PDE10A: variants seen among roughly 807,000 people sequenced by gnomAD.
PDE10A encodes the protein cAMP and cAMP-inhibited cGMP 3',5'-cyclic phosphodiesterase 10A.
A neutral mutation model predicts 97.7 loss-of-function variants in PDE10A; 39 were observed. The ratio of observed to expected loss-of-function variants is 0.40; its 90% confidence interval spans 0.31 to 0.52. The LOEUF is 0.52. PDE10A is among the 20% of genes least tolerant of loss of function. The probability of loss-of-function intolerance (pLI) is 0.56; values close to 1 mark genes in which losing one functional copy is unlikely to be tolerated. For missense variants in PDE10A, 731 were observed against 1,047.8 expected (o/e 0.70, Z 4.17); for synonymous variants, 371 against 376.8 (o/e 0.98, Z 0.18).
chr6:165,581,275 A>G (rs1785603069), intron 1 of PDE10A, among the ~76,000 whole-genome samples: 1 of 152,168 alleles, frequency 6.6e-6, no homozygotes, highest in African/African-American at 2.4e-5. Context: ...TGTCCCCCCA[A>G]AATTCATATG....
At chr6:165,568,051 T>C (rs201181329) in intron 1 of PDE10A, among the ~76,000 whole-genome samples, 4 of 133,820 alleles carry the variant, frequency 3.0e-5, no homozygotes, top group Non-Finnish European at 4.6e-5. Context: ...CAGGCTGGAG[T>C]GCAGTGGCAC....
chr6:165,540,593 G>A (rs2128321276), intron 2 of PDE10A, among the ~76,000 whole-genome samples: 1 of 152,154 alleles, frequency 6.6e-6, no homozygotes, highest in South Asian at 2.1e-4. Context: ...AAAGTTTTCG[G>A]TGAAGCAACG....
At chr6:165,776,304 T>C (rs527689531) in intron 1 of PDE10A, among the ~76,000 whole-genome samples, 6 of 152,386 alleles carry the variant, frequency 3.9e-5, no homozygotes, top group African/African-American at 1.2e-4. Flanking sequence ...TTTAAGAACA[T>C]TAATACATAG....
At chr6:165,507,378 C>G (rs919379838) in intron 2 of PDE10A, among the ~76,000 whole-genome samples, 1 of 152,034 alleles carries the variant, frequency 6.6e-6, no homozygotes, top group Non-Finnish European at 1.5e-5. Context: ...CTTCCTACTC[C>G]TTAGTTCTGT....
At chr6:165,416,864 A>G (rs1475504303) in intron 11 of PDE10A, among the ~76,000 whole-genome samples, 1 of 152,200 alleles carries the variant, frequency 6.6e-6, no homozygotes, top group Non-Finnish European at 1.5e-5. Context: ...TTTTTACCTA[A>G]TTTGTTAAAT....
intron 1 of PDE10A, among the ~76,000 whole-genome samples, chr6:165,636,014 T>C (rs1788858704): frequency 1.3e-5 from 2 of 152,254 alleles, no homozygotes; most frequent in Admixed American, 6.5e-5. Flanking sequence ...TTTACTGTAA[T>C]AGGAGCCATT....
At chr6:165,630,579 G>C (rs1336750313) in intron 1 of PDE10A, among the ~76,000 whole-genome samples, 1 of 152,152 alleles carries the variant, frequency 6.6e-6, no homozygotes, top group Non-Finnish European at 1.5e-5. Flanking sequence ...CCGGGGTAGA[G>C]ACAAGGCTCG....
At chr6:165,716,964 G>A (rs1033020564) in intron 1 of PDE10A, among the ~76,000 whole-genome samples, 1 of 152,112 alleles carries the variant, frequency 6.6e-6, no homozygotes, top group Non-Finnish European at 1.5e-5. Flanking sequence ...TTGCAAAATG[G>A]AAACTGTGTC....
intron 10 of PDE10A, among the ~76,000 whole-genome samples, chr6:165,419,745 A>C (rs1363307622): frequency 2.0e-5 from 3 of 152,190 alleles, no homozygotes; most frequent in Non-Finnish European, 4.4e-5. Flanking sequence ...AACTTCAACT[A>C]TCCAGATCAT....
chr6:165,973,413 CAA>C (rs753759553), intron 1 of PDE10A, among the ~76,000 whole-genome samples: 4 of 97,370 alleles, frequency 4.1e-5, no homozygotes, highest in African/African-American at 1.1e-4. Context: ...AATTCCGCCT[CAA>C]AAAAAAAAAA....
intron 1 of PDE10A, among the ~76,000 whole-genome samples, chr6:165,722,107 A>C (rs1792180663): frequency 6.6e-6 from 1 of 152,248 alleles, no homozygotes; most frequent in Non-Finnish European, 1.5e-5. Flanking sequence ...AGAATTACTT[A>C]CGTGATGATG....
chr6:165,509,668 A>C (rs1031964494), intron 2 of PDE10A, among the ~76,000 whole-genome samples: 8 of 151,866 alleles, frequency 5.3e-5, no homozygotes, highest in African/African-American at 1.9e-4. Context: ...TTTGGACAAC[A>C]TGCTCATTTT....
At chr6:165,706,195 G>T (rs1791705316) in intron 1 of PDE10A, among the ~76,000 whole-genome samples, 1 of 152,188 alleles carries the variant, frequency 6.6e-6, no homozygotes, top group Admixed American at 6.5e-5. Context: ...CAAGTCACCA[G>T]AAAAATGTTC....
intron 10 of PDE10A, among the ~76,000 whole-genome samples, chr6:165,422,344 CAT>C (rs1013745468): frequency 2.7e-5 from 3 of 113,116 alleles, no homozygotes; most frequent in African/African-American, 4.2e-5. Flanking sequence ...TACACACACA[CAT>C]ATGCATACAC....
intron 21 of PDE10A, among the ~76,000 whole-genome samples, chr6:165,335,659 G>C (rs575536777): frequency 2.0e-5 from 3 of 152,254 alleles, no homozygotes; most frequent in African/African-American, 4.8e-5. Flanking sequence ...CACAGATGCA[G>C]CTCTCATTAG....
intron 1 of PDE10A, among the ~76,000 whole-genome samples, chr6:165,915,386 G>A (rs546387093): frequency 1.3e-5 from 2 of 152,290 alleles, no homozygotes; most frequent in Admixed American, 6.5e-5. Flanking sequence ...TACAGACCAC[G>A]TACTGCACAC....
At chr6:165,367,660 GGA>G (rs1491142845) in intron 18 of PDE10A, among the ~76,000 whole-genome samples, 3 of 112,932 alleles carry the variant, frequency 2.7e-5, no homozygotes. Flanking sequence ...CTCAGGAGGG[GGA>G]AAAAAAAAAA....
chr6:165,435,412 T>A, intron 5 of PDE10A, 35 bp from the exon 6 acceptor site: 1 of 1,596,938 alleles, frequency 6.3e-7, no homozygotes, highest in Non-Finnish European at 8.6e-7. Flanking sequence ...CAGACTTTCC[T>A]GTACATGTGC....
chr6:165,929,565 C>T (rs1299686875), intron 1 of PDE10A, among the ~76,000 whole-genome samples: 1 of 152,202 alleles, frequency 6.6e-6, no homozygotes, highest in East Asian at 1.9e-4. Flanking sequence ...CCCTATGTGT[C>T]CCATGCCCCA....
Sources: gnomAD v4.1 joint callset for allele counts (sites outside exome capture counted in the v4.1 genomes callset) on GRCh38, gnomAD v4.1.1 for gene constraint, MANE v1.5 for transcripts, NCBI Gene and HGNC (gene_info 2026-07-23, HGNC 2026-07-21) for gene names.